DRC4: variants seen among roughly 807,000 people sequenced by gnomAD.
The protein encoded by DRC4 is dynein regulatory complex subunit 4, also known as GAS-11.
the DRC4 span, among the ~76,000 whole-genome samples, chr16:90,024,791 G>C: frequency 5.3e-5 from 8 of 152,024 alleles, no homozygotes; most frequent in South Asian, 1.7e-3. Context: ...GGGTGACAGA[G>C]CAAGACTCCA....
At chr16:90,032,545 A>G in the DRC4 span, among the ~76,000 whole-genome samples, 3 of 130,994 alleles carry the variant, frequency 2.3e-5, no homozygotes, top group Non-Finnish European at 4.7e-5. Context: ...CCAGGTGTGT[A>G]CAGGTATGGA....
chr16:90,022,773 A>G, the DRC4 span: 2 of 1,317,422 alleles, frequency 1.5e-6, no homozygotes, highest in Middle Eastern at 2.8e-4. Flanking sequence ...GGGCCCGGAG[A>G]CCTCGGGGCA....
chr16:90,029,197 CCTACGGGGCAGG>C, the DRC4 span: 22 of 1,351,288 alleles, frequency 1.6e-5, no homozygotes, highest in Admixed American at 1.9e-5. Flanking sequence ...TATGGGGCAG[CCTACGGGGCAGG>C]CTACGGGGCA....
At chr16:90,037,629 C>T in the DRC4 span, 5 of 1,018,508 alleles carry the variant, frequency 4.9e-6, no homozygotes, top group East Asian at 2.4e-5. Flanking sequence ...TGGTGAGACT[C>T]AGCTGCTTGT....
the DRC4 span, among the ~76,000 whole-genome samples, chr16:90,040,924 T>G: frequency 2.6e-5 from 4 of 152,092 alleles, no homozygotes; most frequent in Non-Finnish European, 4.4e-5. Context: ...TGGGATGGCC[T>G]GGCTCTCAGG....
chr16:90,019,639 T>TCGCGGGC, the DRC4 span: 1 of 421,740 alleles, frequency 2.4e-6, no homozygotes. The surrounding 1 kb of genome is among the most constrained non-coding windows in gnomAD (Gnocchi z 6.1). Flanking sequence ...GACCCTTCCC[T>TCGCGGGC]CGCGGGCCGC....
the DRC4 span, chr16:90,028,992 G>T: frequency 7.7e-7 from 1 of 1,305,262 alleles, no homozygotes; most frequent in Non-Finnish European, 1.0e-6. Flanking sequence ...GATGGGGTCA[G>T]GTTTGTGTTC....
chr16:90,034,892 CTTTTTTTTTTTTT>C, the DRC4 span, among the ~76,000 whole-genome samples: 17 of 53,870 alleles, frequency 3.2e-4, no homozygotes, highest in African/African-American at 1.2e-3. Context: ...CCCACCTAAT[CTTTTTTTTTTTTT>C]TTTTTTTTTT....
At chr16:90,036,195 G>T in the DRC4 span, 1 of 612,820 alleles carries the variant, frequency 1.6e-6, no homozygotes, top group Non-Finnish European at 2.8e-6. Context: ...TGGTGTGTGT[G>T]CTGAGTGTGA....
chr16:90,021,822 T>C, the DRC4 span, among the ~76,000 whole-genome samples: 8 of 128,134 alleles, frequency 6.2e-5, no homozygotes, highest in African/African-American at 2.4e-4. Context: ...TGAGTTGTGA[T>C]CACAGCCTAG....
chr16:90,042,843 A>G, the DRC4 span: 1 of 508,432 alleles, frequency 2.0e-6, no homozygotes, highest in South Asian at 2.3e-5. Flanking sequence ...CCGGGGAAGG[A>G]AACAGACGTC....
chr16:90,031,549 G>T, the DRC4 span: 4 of 1,509,868 alleles, frequency 2.6e-6, no homozygotes, highest in Middle Eastern at 3.9e-4. Flanking sequence ...AGCCCCAGAG[G>T]AGCTGGATCC....
chr16:90,031,324 G>T, the DRC4 span: 1 of 1,613,216 alleles, frequency 6.2e-7, no homozygotes, highest in Non-Finnish European at 8.5e-7. Context: ...AGCCGCATCC[G>T]GGAGGAGCTG....
chr16:90,042,963 C>CCAGA, the DRC4 span: 8 of 554,066 alleles, frequency 1.4e-5, no homozygotes, highest in Middle Eastern at 9.4e-4. Context: ...CCCTCTGCCT[C>CCAGA]CGTCTCGTCA....
the DRC4 span, chr16:90,035,625 C>G: frequency 6.2e-7 from 1 of 1,614,140 alleles, no homozygotes; most frequent in Non-Finnish European, 8.5e-7. Context: ...CCGCTTCTCC[C>G]TGTGCAGAAA....
At chr16:90,027,743 C>T in the DRC4 span, 10 of 1,613,070 alleles carry the variant, frequency 6.2e-6, no homozygotes, top group Non-Finnish European at 7.6e-6. Flanking sequence ...CGGGCTGTGG[C>T]CCAGTCCCCG....
At chr16:90,020,140 A>G in the DRC4 span, 22 of 559,398 alleles carry the variant, frequency 3.9e-5, no homozygotes, top group Non-Finnish European at 6.4e-5. Flanking sequence ...TTATATACAC[A>G]TTAGATCATT....
At chr16:90,041,572 G>A in the DRC4 span, among the ~76,000 whole-genome samples, 1 of 152,218 alleles carries the variant, frequency 6.6e-6, no homozygotes, top group African/African-American at 2.4e-5. Flanking sequence ...TTGGGAGGCT[G>A]AGGTGGGCAG....
the DRC4 span, chr16:90,043,365 C>G: frequency 6.3e-7 from 1 of 1,598,558 alleles, no homozygotes; most frequent in Non-Finnish European, 8.5e-7. Flanking sequence ...TGGGGGGCCA[C>G]AGCCCAGAGA....
Sources: allele counts gnomAD v4.1 joint callset (sites outside exome capture counted in the v4.1 genomes callset), GRCh38; gene constraint gnomAD v4.1.1; non-coding constraint Gnocchi (gnomAD v3.1); transcripts MANE v1.5; gene names NCBI Gene and HGNC (gene_info 2026-07-23, HGNC 2026-07-21).